The following UHRF1 variants were observed in gnomAD, a reference collection of about 807,000 sequenced individuals.
UHRF1 encodes the protein E3 ubiquitin-protein ligase UHRF1.
In UHRF1, 9 loss-of-function variants were observed where a neutral mutation model predicts 96.5. The observed-to-expected ratio is 0.09, with a 90% CI of 0.06 to 0.16. The LOEUF is 0.16. UHRF1 is among the 10% of genes least tolerant of loss of function. The pLI is 1.00. For missense variants in UHRF1, 626 were observed against 1,131.1 expected, an observed-to-expected ratio of 0.55 and a Z score of 6.40; for synonymous variants, 455 against 469.9, an observed-to-expected ratio of 0.97 and a Z score of 0.41.
intron 2 of UHRF1, among the ~76,000 whole-genome samples, chr19:4,927,421 T>C (rs1399092745): frequency 6.7e-6 from 1 of 149,006 alleles, no homozygotes; most frequent in African/African-American, 2.5e-5. Flanking sequence ...CTGGAAAAGA[T>C]GAGTCAGCCT....
chr19:4,907,869 C>T (rs747097600), upstream of UHRF1, among the ~76,000 whole-genome samples: 10 of 151,972 alleles, frequency 6.6e-5, no homozygotes, highest in Non-Finnish European at 1.5e-4. Flanking sequence ...TGTGCCACCA[C>T]GCCAGGCTAA....
chr19:4,929,531 G>T, intron 3 of UHRF1, 55 bp downstream of exon 3: 1 of 1,571,628 alleles, frequency 6.4e-7, no homozygotes, highest in Non-Finnish European at 8.6e-7. Context: ...TGCCATTCTG[G>T]TCTTTGCATA....
chr19:4,920,826 T>C (rs1340431358), intron 2 of UHRF1, among the ~76,000 whole-genome samples: 1 of 152,016 alleles, frequency 6.6e-6, no homozygotes, highest in Non-Finnish European at 1.5e-5. Flanking sequence ...ATCACACAGA[T>C]AGAAAATCGG....
Position 4,941,726 on chromosome 19 carries a change from C to G in UHRF1, c.887-19C>G. 1.3e-6 allele frequency: 2 copies of G among 1,547,222 alleles called. No individual in the cohort carries two copies. Among genetic ancestry groups the G allele is most frequent in the Non-Finnish European group, 8.7e-7 (1 of 1,145,404 alleles). ...TTGGCCGGGCCCCGCCGGAGCTGAC[C>G]CTGCCGCCCCGTGCCCAGGGAAGAG... On this transcript the variant is annotated intron_variant, in intron 6 of 16. Coordinates refer to ENST00000650932, the MANE Select transcript of UHRF1 (RefSeq NM_001048201.3).
intron 2 of UHRF1, among the ~76,000 whole-genome samples, chr19:4,919,904 G>A (rs141013684): frequency 0.02 from 3,003 of 151,216 alleles, 103 homozygotes; most frequent in African/African-American, 0.069. Flanking sequence ...TGCACCCTCC[G>A]CCTCCCGGGT....
chr19:4,928,298 C>T (rs2032936390), intron 2 of UHRF1, among the ~76,000 whole-genome samples: 1 of 151,348 alleles, frequency 6.6e-6, no homozygotes, highest in Non-Finnish European at 1.5e-5. Context: ...AACTTGTTGC[C>T]TTGGGGGCAT....
At chr19:4,918,090 T>C (rs570992875) in intron 2 of UHRF1, among the ~76,000 whole-genome samples, 3 of 152,168 alleles carry the variant, frequency 2.0e-5, no homozygotes, top group East Asian at 1.9e-4. Context: ...TGCTTGAACA[T>C]GTGTGCGTTT....
At chr19:4,949,838 TTTTG>T (rs1327705005) in intron 11 of UHRF1, among the ~76,000 whole-genome samples, 2 of 94,336 alleles carry the variant, frequency 2.1e-5, no homozygotes, top group African/African-American at 9.2e-5. Context: ...CCCTTTCTCT[TTTTG>T]TTTGTTTTTT....
chr19:4,914,566 G>A (rs1599240123), intron 2 of UHRF1, among the ~76,000 whole-genome samples: 1 of 152,140 alleles, frequency 6.6e-6, no homozygotes, highest in African/African-American at 2.4e-5. Context: ...TGATGGGCGG[G>A]AACGCAGGGA....
upstream of UHRF1, among the ~76,000 whole-genome samples, chr19:4,907,153 A>G (rs1019245837): frequency 3.9e-5 from 6 of 152,230 alleles, no homozygotes; most frequent in African/African-American, 1.4e-4. Flanking sequence ...TCTGTCACCC[A>G]GGTGGGAGTA....
intron 1 of UHRF1, 23 bp from the exon 2 acceptor site, chr19:4,910,853 G>GT (rs2032241059): frequency 6.3e-7 from 1 of 1,583,566 alleles, no homozygotes; most frequent in Admixed American, 1.7e-5. Context: ...ACTGATGGGG[G>GT]TTTTTGCTGT....
At chr19:4,943,507 C>G (rs1472054682) in intron 7 of UHRF1, among the ~76,000 whole-genome samples, 1 of 151,056 alleles carries the variant, frequency 6.6e-6, no homozygotes, top group African/African-American at 2.4e-5. Flanking sequence ...CCCCCCTCCC[C>G]ACATCGTAGA....
Position 4,932,784 on chromosome 19 carries a change from C to T in UHRF1, c.613C>T (p.Arg205Ter). 1 of 1,613,868 alleles carries T rather than the reference C, an allele frequency of 6.2e-7. No individual in the cohort carries two copies. The highest frequency in any genetic ancestry group is 8.5e-7 in the Non-Finnish European group (1 of 1,179,880). ...GVVQMNSRDV[R>*]ARARTIIKWQ... ...GGTCCAGATGAACTCCAGGGACGTC[C>T]GAGCGCGCGCCCGCACCATCATCAA... The change falls in exon 5 of 17, where the codon CGA becomes TGA. Residue 205 changes from arginine to a stop codon, truncating the protein, a stop_gained. Transcript: ENST00000650932. LOFTEE classifies it high-confidence loss of function.
At chr19:4,922,698 G>A (rs1355292336) in intron 2 of UHRF1, among the ~76,000 whole-genome samples, 1 of 152,176 alleles carries the variant, frequency 6.6e-6, no homozygotes, top group East Asian at 1.9e-4. Flanking sequence ...CCTGCTTTGG[G>A]GCCTTTCTGC....
upstream of UHRF1, among the ~76,000 whole-genome samples, chr19:4,905,108 CTTTTTTTT>C (rs61443004): frequency 3.6e-3 from 338 of 95,184 alleles, no homozygotes; most frequent in Middle Eastern, 0.02. Flanking sequence ...CGTAAACTTT[CTTTTTTTT>C]TTTTTTTTTT....
Position 4,945,347 on chromosome 19 carries a change from C to T in UHRF1, c.1306-514C>T, listed in dbSNP as rs370680493. On this transcript the variant is annotated intron_variant, in intron 9 of 16. Coordinates refer to ENST00000650932, the MANE Select transcript of UHRF1 (RefSeq NM_001048201.3). ...GGTCTTGGCTCACTGCAACCTCCCT[C>T]TCCTGGGTTCAAGCGATTCTCCTGC... 1.0e-3 allele frequency among the ~76,000 whole-genome samples: 158 copies of T among 152,298 alleles called. 1 individual carries two copies. The highest frequency in any genetic ancestry group is 3.2e-3 in the African/African-American group (133 of 41,554).
At chr19:4,935,050 T>G (rs529163685) in intron 5 of UHRF1, among the ~76,000 whole-genome samples, 4 of 152,234 alleles carry the variant, frequency 2.6e-5, no homozygotes, top group Admixed American at 6.5e-5. Context: ...CTCTGCTTAC[T>G]GCAACCTCCA....
chr19:4,933,041 C>A, intron 5 of UHRF1, 85 bp downstream of exon 5: 1 of 1,426,604 alleles, frequency 7.0e-7, no homozygotes, highest in Non-Finnish European at 9.4e-7. Flanking sequence ...AGCCGTCCAG[C>A]CAGCGCTGTG....
intron 2 of UHRF1, among the ~76,000 whole-genome samples, chr19:4,914,480 A>T (rs1199042615): frequency 6.6e-6 from 1 of 151,946 alleles, no homozygotes. Context: ...AGCAGAACAG[A>T]GTTGGGTCTG....
Sources: gnomAD v4.1 joint callset for allele counts (sites outside exome capture counted in the v4.1 genomes callset) on GRCh38, gnomAD v4.1.1 for gene constraint, MANE v1.5 for transcripts, NCBI Gene and HGNC (gene_info 2026-07-23, HGNC 2026-07-21) for gene names.